BRCA1: variants seen among roughly 807,000 people sequenced by gnomAD.
BRCA1 encodes breast cancer type 1 susceptibility protein.
In BRCA1, 140 loss-of-function variants were observed where a neutral mutation model predicts 173.7. The ratio of observed to expected loss-of-function variants is 0.81; its 90% CI spans 0.70 to 0.93. The LOEUF (loss-of-function observed/expected upper bound fraction) is 0.93. BRCA1 is among the 40% of genes least tolerant of loss of function. BRCA1 has a pLI of 0.00. For missense variants in BRCA1, 1,983 were observed against 2,172.5 expected, an observed-to-expected ratio of 0.91 and a Z score of 1.73; for synonymous variants, 662 against 756.0, an observed-to-expected ratio of 0.88 and a Z score of 2.04.
intron 3 of BRCA1, among the ~76,000 whole-genome samples, chr17:43,115,175 A>C (rs1183125268): frequency 6.6e-6 from 1 of 152,196 alleles, no homozygotes; most frequent in Admixed American, 6.5e-5. Flanking sequence ...CAAAAAATAC[A>C]AAACACTGTT....
At chr17:43,082,006 T>C (rs1424690077) in intron 12 of BRCA1, among the ~76,000 whole-genome samples, 7 of 152,208 alleles carry the variant, frequency 4.6e-5, no homozygotes, top group Admixed American at 4.6e-4. Flanking sequence ...CAGAAGCACA[T>C]TAAATAGGTC....
rs755411080 is a variant in BRCA1, at chr17:43,044,390, T to TG, written c.*1287dup. ...TCAAGTCTTCACTGCCCTTGCACAC[T>TG]GGGGGGGCTAGGGAAGACCTAGTCC... On this transcript the variant is annotated 3_prime_UTR_variant, in exon 23 of 23. Coordinates refer to ENST00000357654, the MANE Select transcript of BRCA1 (RefSeq NM_007294.4). The TG allele has an allele frequency of 1.4e-4, 71 of 506,660 alleles. No individual in the cohort carries two copies. Among genetic ancestry groups the TG allele is most frequent in the Admixed American group, 6.4e-4 (28 of 44,066 alleles). The allele number at this position is 506,660 out of a possible 1,614,324, so 31.4% of individuals were successfully genotyped here. A position where few individuals can be genotyped will look rare whatever the true frequency, so the allele number is the denominator to read the frequency against.
chr17:43,095,671 C>T (rs114468819), intron 9 of BRCA1, among the ~76,000 whole-genome samples, 175 bp downstream of exon 9: 41 of 152,082 alleles, frequency 2.7e-4, no homozygotes, highest in African/African-American at 9.9e-4. Context: ...AGTCTAGTAC[C>T]ATTTAAATCT....
At chr17:43,120,115 G>C (rs1422926966) in intron 2 of BRCA1, among the ~76,000 whole-genome samples, 1 of 152,132 alleles carries the variant, frequency 6.6e-6, no homozygotes, top group African/African-American at 2.4e-5. Context: ...AAAGCAGCTA[G>C]GTTTAGGTTG....
intron 1 of BRCA1, chr17:43,168,293 A>G: frequency 2.6e-6 from 1 of 380,590 alleles, no homozygotes; most frequent in Non-Finnish European, 5.2e-6. Context: ...AAAAACATGT[A>G]TCTTTTAAAA....
intron 1 of BRCA1, chr17:43,169,924 C>T: frequency 6.6e-6 from 3 of 452,926 alleles, no homozygotes; most frequent in Non-Finnish European, 4.4e-6. Flanking sequence ...TTGACGTTGG[C>T]CAGGACCTTT....
chr17:43,059,470 A>G (rs12947330), intron 18 of BRCA1, among the ~76,000 whole-genome samples: 3 of 40,010 alleles, frequency 7.5e-5, no homozygotes, highest in Non-Finnish European at 1.3e-4. Context: ...AGATGCTGTC[A>G]CAACAACAAC....
rs1220408343 is a variant in BRCA1 at position 43,104,195 on chromosome 17, G to A, written c.368C>T (p.Ser123Phe). Residue 123 changes from serine (S) to phenylalanine (F), a missense_variant, in exon 6 of 23, where the codon TCT becomes TTT. Physicochemically the swap from Ser to Phe is radical, Grantham distance 155. Coordinates refer to ENST00000357654, the MANE Select transcript of BRCA1 (RefSeq NM_007294.4). ...NSPEHLKDEV[S>F]IIQSMGYRNR... ...TCTGTAGCCCATACTTTGGATGATA[G>A]AAACTTCATCTTTTAGATGTTCAGG... is the stretch of plus-strand genomic sequence containing the variant. 1 of 1,613,840 alleles carries A rather than the reference G, an allele frequency of 6.2e-7. No individual in the cohort carries two copies. The highest frequency in any genetic ancestry group is 8.5e-7 in the Non-Finnish European group (1 of 1,179,762).
intron 1 of BRCA1, chr17:43,160,208 A>C (rs1181338318): frequency 6.6e-6 from 1 of 151,826 alleles, no homozygotes; most frequent in Non-Finnish European, 1.5e-5. Context: ...CACCTGGCTA[A>C]TTTTTTTGTA....
At chr17:43,121,683 C>CAAAAAAAAAA (rs71160013) in intron 2 of BRCA1, among the ~76,000 whole-genome samples, 3 of 32,904 alleles carry the variant, frequency 9.1e-5, no homozygotes, top group African/African-American at 1.4e-4. Context: ...AAGTCTGTCT[C>CAAAAAAAAAA]AAAAAAAAAA....
At chr17:43,120,983 G>C (rs865999380) in intron 2 of BRCA1, among the ~76,000 whole-genome samples, 4 of 150,800 alleles carry the variant, frequency 2.7e-5, no homozygotes, top group Non-Finnish European at 5.9e-5. Flanking sequence ...AGAAGCGCTT[G>C]AACTTGAACC....
chr17:43,045,968 G>A (rs1169855476), intron 22 of BRCA1, among the ~76,000 whole-genome samples, 166 bp from the exon 23 acceptor site: 1 of 151,312 alleles, frequency 6.6e-6, no homozygotes, highest in Non-Finnish European at 1.5e-5. Flanking sequence ...TGTCGCCGAG[G>A]CTAGAGTGTG....
intron 12 of BRCA1, among the ~76,000 whole-genome samples, chr17:43,077,645 G>T (rs1305895771): frequency 6.6e-6 from 1 of 151,128 alleles, no homozygotes; most frequent in Non-Finnish European, 1.5e-5. Flanking sequence ...AATTCATTTT[G>T]TAATATATTT....
upstream of BRCA1, among the ~76,000 whole-genome samples, chr17:43,127,952 A>G (rs1405737396): frequency 7.3e-6 from 1 of 136,498 alleles, no homozygotes; most frequent in Admixed American, 8.2e-5. Context: ...TGAACCCGGG[A>G]GGCGGAGCTT....
intron 22 of BRCA1, among the ~76,000 whole-genome samples, chr17:43,047,371 A>T (rs1188065352): frequency 1.3e-5 from 2 of 151,620 alleles, no homozygotes; most frequent in Non-Finnish European, 2.9e-5. Flanking sequence ...AAAGTGCTGG[A>T]ATTATAGGCA....
intron 6 of BRCA1, among the ~76,000 whole-genome samples, chr17:43,100,633 T>TAC (rs1491102232): frequency 0.018 from 945 of 52,190 alleles, 48 homozygotes; most frequent in African/African-American, 0.037. Context: ...ATATATATGT[T>TAC]ATATATATAT....
chr17:43,078,014 C>T (rs1006888672), intron 12 of BRCA1, among the ~76,000 whole-genome samples: 7 of 152,012 alleles, frequency 4.6e-5, no homozygotes, highest in African/African-American at 9.7e-5. Context: ...GGATTACAGG[C>T]GTGAGCCACT....
Position 43,095,590 on chromosome 17 carries a change from A to C in BRCA1, c.670+256T>G, listed in dbSNP as rs182524124. The stretch of plus-strand genomic sequence containing the variant: ...GAGTGAGACCCCATCTCAAAAAAAA[A>C]CAAACAAACAAACAAAAAAAAAAAC... On this transcript the variant is annotated intron_variant, in intron 9 of 22. Transcript: ENST00000357654. 1.5e-3 allele frequency among the ~76,000 whole-genome samples: 225 copies of C among 151,516 alleles called. 1 individual carries two copies. The highest frequency in any genetic ancestry group is 0.01 in the East Asian group (54 of 5,174).
At position 43,092,964 on chromosome 17, in the gene BRCA1, TACTGA is replaced by T; in HGVS notation, c.2562_2566del (p.Gln855PhefsTer46). 1 of 1,613,694 alleles carries T rather than the reference TACTGA, an allele frequency of 6.2e-7. No homozygotes were observed. Among genetic ancestry groups the T allele is most frequent in the Non-Finnish European group, 8.5e-7 (1 of 1,179,780 alleles). ...TGAAACCTTGAATGTATTCTGCAAATACTGAGCATCAAGTTCACTTTCTTCCATTT... is the reference window on the plus strand; with the variant it reads ...TGAAACCTTGAATGTATTCTGCAAATGCATCAAGTTCACTTTCTTCCATTT... On this transcript the variant is annotated frameshift_variant, in exon 10 of 23. Coordinates refer to ENST00000357654, the MANE Select transcript of BRCA1 (RefSeq NM_007294.4). LOFTEE classifies it high-confidence loss of function.
Sources: gnomAD v4.1 joint callset for allele counts (sites outside exome capture counted in the v4.1 genomes callset) on GRCh38, gnomAD v4.1.1 for gene constraint, MANE v1.5 for transcripts, NCBI Gene and HGNC (gene_info 2026-07-23, HGNC 2026-07-21) for gene names.